Variants in CDKAL1 observed in about 807,000 individuals in gnomAD.
CDKAL1 encodes CDKAL1 threonylcarbamoyladenosine tRNA methylthiotransferase.
CDKAL1 carries 32 observed loss-of-function variants against 68.2 expected under a neutral mutation model. The ratio of observed to expected loss-of-function variants is 0.47; its 90% CI spans 0.35 to 0.63. The LOEUF (loss-of-function observed/expected upper bound fraction) is 0.63. CDKAL1 is among the 30% of genes least tolerant of loss of function. The pLI is 0.00. For synonymous variants in CDKAL1, 234 were observed against 244.3 expected (o/e 0.96, Z 0.39); for missense variants, 606 against 696.7 (o/e 0.87, Z 1.47).
At position 20,589,745 on chromosome 6, in the gene CDKAL1, CTTATA is replaced by C. The variant is rs775133831; in HGVS notation, c.286+41045_286+41049del. Among the ~76,000 whole-genome samples the C allele has an allele frequency of 1.2e-3, 177 of 151,852 alleles. 1 individual carries two copies. Among genetic ancestry groups the C allele is most frequent in the Admixed American group, 2.6e-3 (39 of 15,260 alleles). ...TTTTTCTCATATTTCAGTGAAATTTCTTATATTATTAGTTTTTCTCATATTCAGTG... is the reference window on the plus strand; with the variant it reads ...TTTTTCTCATATTTCAGTGAAATTTCTTATTAGTTTTTCTCATATTCAGTG... On this transcript the variant is annotated intron_variant, in intron 4 of 15. Transcript: ENST00000274695.
intron 4 of CDKAL1, among the ~76,000 whole-genome samples, chr6:20,618,325 A>G (rs914740738): frequency 6.6e-6 from 1 of 152,030 alleles, no homozygotes; most frequent in African/African-American, 2.4e-5. Context: ...CCTTTGTCAG[A>G]TGGGTAGATT....
intron 8 of CDKAL1, among the ~76,000 whole-genome samples, chr6:20,814,050 A>G (rs1776936316): frequency 6.6e-6 from 1 of 152,026 alleles, no homozygotes; most frequent in African/African-American, 2.4e-5. Flanking sequence ...GAGTTTTCTC[A>G]TTCATGAACA....
chr6:20,900,787 T>C (rs140724266), intron 9 of CDKAL1, among the ~76,000 whole-genome samples: 3 of 152,326 alleles, frequency 2.0e-5, no homozygotes, highest in East Asian at 3.9e-4. Flanking sequence ...GCCTAAGTAA[T>C]GTGCTGTAGA....
chr6:21,065,481 TA>T (rs1771385065), intron 12 of CDKAL1, among the ~76,000 whole-genome samples: 1 of 152,114 alleles, frequency 6.6e-6, no homozygotes, highest in Non-Finnish European at 1.5e-5. Flanking sequence ...TTTTAATTAG[TA>T]TCTAGTATTT....
intron 4 of CDKAL1, among the ~76,000 whole-genome samples, chr6:20,579,341 A>G (rs961315499): frequency 1.3e-5 from 2 of 152,180 alleles, no homozygotes; most frequent in Non-Finnish European, 2.9e-5. Context: ...TATTACATAC[A>G]ATACGGATGC....
intron 4 of CDKAL1, among the ~76,000 whole-genome samples, chr6:20,563,201 G>T (rs1370742300): frequency 6.6e-6 from 1 of 152,164 alleles, no homozygotes; most frequent in Non-Finnish European, 1.5e-5. Flanking sequence ...GATAAAGATA[G>T]ATCATTGAGA....
intron 9 of CDKAL1, among the ~76,000 whole-genome samples, chr6:20,951,701 A>G (rs958778719): frequency 1.3e-5 from 2 of 152,190 alleles, no homozygotes; most frequent in African/African-American, 2.4e-5. Flanking sequence ...GATCTGATGA[A>G]CATAATGTTC....
intron 11 of CDKAL1, among the ~76,000 whole-genome samples, chr6:21,060,920 A>G (rs1053367528): frequency 1.3e-5 from 2 of 152,238 alleles, no homozygotes; most frequent in African/African-American, 4.8e-5. Flanking sequence ...TATTAGTCCT[A>G]CTTTATTCAC....
At chr6:20,648,914 A>G (rs1244292366) in intron 4 of CDKAL1, among the ~76,000 whole-genome samples, 1 of 152,226 alleles carries the variant, frequency 6.6e-6, no homozygotes, top group Non-Finnish European at 1.5e-5. Flanking sequence ...AAGAATATTC[A>G]GTGTACACTC....
Position 20,634,633 on chromosome 6 carries a change from T to C in CDKAL1, c.287-14660T>C, listed in dbSNP as rs190942711. Among the ~76,000 whole-genome samples the C allele has an allele frequency of 9.2e-5, 14 of 152,238 alleles. No individual in the cohort carries two copies. In the East Asian group the frequency reaches 1.4e-3, roughly 15 times the overall value. Reference sequence around the variant, plus strand: ...CACATTATTTTGGAGATAAAATACATTGGGAATTGTTGGATTTGCCATGGA... The same window carrying C: ...CACATTATTTTGGAGATAAAATACACTGGGAATTGTTGGATTTGCCATGGA... On this transcript the variant is annotated intron_variant, in intron 4 of 15. Coordinates refer to ENST00000274695, the MANE Select transcript of CDKAL1 (RefSeq NM_017774.3).
chr6:21,142,892 G>A (rs1170310489), intron 13 of CDKAL1, among the ~76,000 whole-genome samples: 1 of 152,182 alleles, frequency 6.6e-6, no homozygotes, highest in Non-Finnish European at 1.5e-5. Flanking sequence ...GATTGTTTAT[G>A]TGTAGCAGGG....
intron 10 of CDKAL1, among the ~76,000 whole-genome samples, chr6:20,964,663 T>G (rs1045836538): frequency 2.3e-4 from 35 of 151,446 alleles, no homozygotes; most frequent in African/African-American, 8.0e-4. Context: ...CCATGTGGGG[T>G]GGGAGGAGGG....
intron 9 of CDKAL1, among the ~76,000 whole-genome samples, chr6:20,928,464 T>C (rs1261975778): frequency 6.6e-6 from 1 of 152,040 alleles, no homozygotes; most frequent in Non-Finnish European, 1.5e-5. Context: ...CCATGTTGTA[T>C]GTAGCTTGTT....
At chr6:20,749,847 C>T (rs1267987345) in intron 6 of CDKAL1, among the ~76,000 whole-genome samples, 1 of 151,650 alleles carries the variant, frequency 6.6e-6, no homozygotes, top group Non-Finnish European at 1.5e-5. Flanking sequence ...ACGCCCAGCC[C>T]CAGATTTTCT....
intron 9 of CDKAL1, among the ~76,000 whole-genome samples, chr6:20,935,761 G>A (rs1763676212): frequency 6.6e-6 from 1 of 152,098 alleles, no homozygotes; most frequent in African/African-American, 2.4e-5. Flanking sequence ...ATAGAAACAG[G>A]ATCTTGCTAC....
At chr6:20,935,704 A>G (rs1010129803) in intron 9 of CDKAL1, among the ~76,000 whole-genome samples, 2 of 152,204 alleles carry the variant, frequency 1.3e-5, no homozygotes, top group Non-Finnish European at 2.9e-5. Flanking sequence ...TGTTGGGATT[A>G]CAGGTATGAG....
intron 13 of CDKAL1, among the ~76,000 whole-genome samples, chr6:21,111,789 G>T (rs1774131743): frequency 6.6e-6 from 1 of 152,118 alleles, no homozygotes; most frequent in Admixed American, 6.5e-5. Context: ...TTCTTAAATT[G>T]TTTTCAGGAA....
chr6:20,869,416 A>G (rs1229163980), intron 9 of CDKAL1, among the ~76,000 whole-genome samples: 1 of 152,214 alleles, frequency 6.6e-6, no homozygotes, highest in Non-Finnish European at 1.5e-5. Context: ...AGTAAACCAC[A>G]TTGCATTTTC....
intron 13 of CDKAL1, among the ~76,000 whole-genome samples, chr6:21,184,009 C>G (rs1277602261): frequency 6.6e-6 from 1 of 152,058 alleles, no homozygotes; most frequent in Non-Finnish European, 1.5e-5. Flanking sequence ...ATTATGCTCT[C>G]CTCTGTTTGG....
Sources: allele counts gnomAD v4.1 joint callset (sites outside exome capture counted in the v4.1 genomes callset), GRCh38; gene constraint gnomAD v4.1.1; transcripts MANE v1.5; gene names NCBI Gene and HGNC (gene_info 2026-07-23, HGNC 2026-07-21).